ZNF536: variants seen among roughly 807,000 people sequenced by gnomAD.
ZNF536 encodes zinc finger protein 536.
A neutral mutation model predicts 84.5 loss-of-function variants in ZNF536; 13 were observed. That is an observed-to-expected ratio of 0.15 (90% CI 0.10 to 0.24). The LOEUF (loss-of-function observed/expected upper bound fraction) is 0.24, where lower values mean the gene tolerates loss of function less well. ZNF536 is among the 10% of genes least tolerant of loss of function. ZNF536 has a pLI of 1.00. For synonymous variants in ZNF536, 811 were observed against 742.5 expected, an observed-to-expected ratio of 1.09 and a Z score of -1.50; for missense variants, 1,536 against 1,747.5, an observed-to-expected ratio of 0.88 and a Z score of 2.16.
intron 2 of ZNF536, among the ~76,000 whole-genome samples, chr19:30,525,497 C>T (rs557114225): frequency 1.3e-5 from 2 of 152,304 alleles, no homozygotes; most frequent in Non-Finnish European, 2.9e-5. Context: ...AGAAATGTCA[C>T]GGCAGGCCAT....
At chr19:30,268,250 T>G (rs2025629533) in intron 1 of ZNF536, among the ~76,000 whole-genome samples, 1 of 152,102 alleles carries the variant, frequency 6.6e-6, no homozygotes, top group Non-Finnish European at 1.5e-5. Flanking sequence ...TGAGTACATT[T>G]CATAGTTAGT....
chr19:30,553,695 C>G (rs544442020), intron 4 of ZNF536, among the ~76,000 whole-genome samples: 2 of 152,168 alleles, frequency 1.3e-5, no homozygotes, highest in African/African-American at 2.4e-5. Flanking sequence ...GCAGGCACTG[C>G]GGCTCACACC....
chr19:30,317,915 A>G (rs1256763711), intron 2 of ZNF536, among the ~76,000 whole-genome samples: 1 of 152,212 alleles, frequency 6.6e-6, no homozygotes, highest in Non-Finnish European at 1.5e-5. Context: ...GATGGTATTT[A>G]CTAATATAAA....
At chr19:30,580,373 G>A (rs916538468) in intron 1 of ZNF536, among the ~76,000 whole-genome samples, 3 of 152,184 alleles carry the variant, frequency 2.0e-5, no homozygotes, top group Non-Finnish European at 4.4e-5. Context: ...GATGGGAAAT[G>A]GTGTCTTTCA....
intron 2 of ZNF536, among the ~76,000 whole-genome samples, chr19:30,508,425 T>A (rs1480855376): frequency 6.6e-6 from 1 of 152,040 alleles, no homozygotes; most frequent in East Asian, 1.9e-4. Context: ...CTGCCTGGGG[T>A]ATGACTGGGA....
At chr19:30,525,438 A>G (rs1484888097) in intron 2 of ZNF536, among the ~76,000 whole-genome samples, 1 of 152,186 alleles carries the variant, frequency 6.6e-6, no homozygotes, top group Non-Finnish European at 1.5e-5. Flanking sequence ...TATTTGTTGA[A>G]AAAGTATTTA....
intron 1 of ZNF536, among the ~76,000 whole-genome samples, chr19:30,439,955 CTTTCTTTTT>C (rs571407243): frequency 0.041 from 5,456 of 132,900 alleles, 130 homozygotes; most frequent in South Asian, 0.076. Flanking sequence ...CTTTTTCTTT[CTTTCTTTTT>C]TTTTTTTTTT....
intron 3 of ZNF536, among the ~76,000 whole-genome samples, chr19:30,535,599 C>T (rs895924309): frequency 1.3e-5 from 2 of 152,088 alleles, no homozygotes; most frequent in South Asian, 4.1e-4. Flanking sequence ...TGCTGCACCC[C>T]TCTGGCCATT....
chr19:30,483,856 T>TG (rs2054187346), intron 2 of ZNF536, among the ~76,000 whole-genome samples: 1 of 152,136 alleles, frequency 6.6e-6, no homozygotes, highest in African/African-American at 2.4e-5. Flanking sequence ...CTGTGCCTCT[T>TG]GGTCCCCACA....
chr19:30,284,126 C>T (rs1305449386), exon 2 of ZNF536: 2 of 152,186 alleles, frequency 1.3e-5, no homozygotes, highest in Non-Finnish European at 2.9e-5. Context: ...AGATCCATTG[C>T]TTTAAGACTT....
At chr19:30,250,786 CAT>C (rs889809973) in intron 1 of ZNF536, among the ~76,000 whole-genome samples, 5 of 151,760 alleles carry the variant, frequency 3.3e-5, no homozygotes, top group African/African-American at 1.2e-4. Context: ...AAAGGCATAA[CAT>C]ATACAAGGAC....
intron 2 of ZNF536, among the ~76,000 whole-genome samples, chr19:30,500,784 G>C (rs1156744634): frequency 3.3e-5 from 5 of 152,256 alleles, no homozygotes; most frequent in African/African-American, 1.2e-4. Flanking sequence ...GGCTTCTCTT[G>C]GTCTTTAAAT....
chr19:30,386,212 C>T (rs2147263719), intron 1 of ZNF536, among the ~76,000 whole-genome samples: 2 of 152,292 alleles, frequency 1.3e-5, no homozygotes, highest in South Asian at 4.1e-4. Context: ...TTTCATCCTG[C>T]AAGAGCCAGC....
At chr19:30,653,664 G>A (rs1216423276) in intron 1 of ZNF536, among the ~76,000 whole-genome samples, 2 of 146,302 alleles carry the variant, frequency 1.4e-5, no homozygotes, top group African/African-American at 5.6e-5. Flanking sequence ...CTTAGGAGCA[G>A]GGGACGGAAG....
At chr19:30,693,023 GGAGA>G (rs10547153) in intron 1 of ZNF536, among the ~76,000 whole-genome samples, 1,606 of 148,240 alleles carry the variant, frequency 0.011, 22 homozygotes, top group African/African-American at 0.031. Context: ...AACCTGGGGG[GGAGA>G]GAGAGAGAGA....
intron 1 of ZNF536, among the ~76,000 whole-genome samples, chr19:30,395,568 C>A (rs529607745): frequency 6.6e-6 from 1 of 152,162 alleles, no homozygotes; most frequent in African/African-American, 2.4e-5. Context: ...CCATATGTTG[C>A]GCCTAAATGT....
chr19:30,675,942 C>A (rs991628216), intron 1 of ZNF536, among the ~76,000 whole-genome samples: 3 of 152,114 alleles, frequency 2.0e-5, no homozygotes, highest in Admixed American at 2.0e-4. Context: ...ACTGCAGCCT[C>A]GACCTCCTAG....
intron 1 of ZNF536, among the ~76,000 whole-genome samples, chr19:30,622,935 ACTC>A (rs1243944785): frequency 3.1e-5 from 4 of 127,782 alleles, no homozygotes; most frequent in Admixed American, 2.3e-4. Context: ...CCCAGAACCC[ACTC>A]CTCCTAGAGT....
intron 3 of ZNF536, among the ~76,000 whole-genome samples, chr19:30,546,652 G>A (rs1480903590): frequency 1.3e-5 from 2 of 152,204 alleles, no homozygotes; most frequent in Non-Finnish European, 2.9e-5. Context: ...ATTCACTGAC[G>A]ATTTGTTGTT....
Sources: gnomAD v4.1 joint callset for allele counts (sites outside exome capture counted in the v4.1 genomes callset) on GRCh38, gnomAD v4.1.1 for gene constraint, MANE v1.5 for transcripts, NCBI Gene and HGNC (gene_info 2026-07-23, HGNC 2026-07-21) for gene names.